Variants in MFSD12 observed in about 807,000 individuals in gnomAD.
MFSD12 encodes major facilitator superfamily domain containing 12, also known as major facilitator superfamily domain-containing protein 12.
MFSD12 carries 67 observed loss-of-function variants against 51.2 expected under a neutral mutation model. The observed-to-expected ratio is 1.31, with a 90% confidence interval of 1.08 to 1.60. The LOEUF is 1.60. Ranked by LOEUF, MFSD12 falls within the 40% of genes most tolerant of loss-of-function variation. The pLI is 0.00. For missense variants in MFSD12, 921 were observed against 673.0 expected, an observed-to-expected ratio of 1.37 and a Z score of -4.08; for synonymous variants, 441 against 316.7, an observed-to-expected ratio of 1.39 and a Z score of -4.17.
At position 3,544,933 on chromosome 19, in the gene MFSD12, C is replaced by T. The variant is rs772150645; in HGVS notation, c.1296G>A (p.Glu432=). 14 of 1,607,798 alleles carry T rather than the reference C, an allele frequency of 8.7e-6. No homozygotes were observed. In the Admixed American group the frequency reaches 1.7e-4, roughly 19 times the overall value. ...AIQSLHPCPS[E]LCCRACVSFY... is the part of the protein sequence containing the mutation. ...AGCTCACGCAGGCCCTGCAGCAGAG[C>T]TCTGAGCTGTGGGAGGAGGCGGGGG... The change falls in exon 9 of 10, where the codon GAG becomes GAA. Residue 432 remains glutamate (E), a synonymous_variant. Transcript: ENST00000355415.
chr19:3,554,745 G>A (rs1268163140), intron 1 of MFSD12, among the ~76,000 whole-genome samples: 3 of 152,242 alleles, frequency 2.0e-5, no homozygotes, highest in East Asian at 1.9e-4. Context: ...GGGTCGTCTC[G>A]GGATTGTGGG....
chr19:3,547,737 C>T, intron 4 of MFSD12, 111 bp downstream of exon 4: 1 of 1,338,974 alleles, frequency 7.5e-7, no homozygotes, highest in Non-Finnish European at 1.0e-6. Flanking sequence ...TGGGTGTGGG[C>T]TGCACCAGGG....
In MFSD12 at chr19:3,548,232, T is replaced by C. The variant is rs1017245766; in HGVS notation, c.545A>G (p.Tyr182Cys). Residue 182 changes from tyrosine to cysteine, a missense_variant, in exon 3 of 10, where the codon TAC (tyrosine) becomes TGC (cysteine). Coordinates refer to ENST00000355415, the MANE Select transcript of MFSD12 (RefSeq NM_174983.5). ...GTGCAGCAGGAGCCAGGCGGCGCCG[T>C]AGACGGTGATGTTGGCCACCACGGT... ...AFTVVANITV[Y>C]GAAWLLLHLQ... The C allele has an allele frequency of 3.2e-6, 5 of 1,552,280 alleles. No individual in the cohort carries two copies. The highest frequency in any genetic ancestry group is 4.9e-5 in the East Asian group (2 of 41,114).
At position 3,551,605 on chromosome 19, in the gene MFSD12, G is replaced by T. The variant is rs915742153; in HGVS notation, c.299-411C>A. On this transcript the variant is annotated intron_variant, in intron 1 of 9. Coordinates refer to ENST00000355415, the MANE Select transcript of MFSD12 (RefSeq NM_174983.5). This position sits in a 1 kb window ranked among gnomAD's most constrained non-coding sequence, Gnocchi z 4.6. The stretch of plus-strand genomic sequence containing the variant: ...TCCTTAAGCTCCGCCATCCTCATCA[G>T]CTCCTAAGGTGACCACTCCCTGGAA... 6.6e-6 allele frequency among the ~76,000 whole-genome samples: 1 copy of T among 152,122 alleles called. No individual in the cohort carries two copies. The highest frequency in any genetic ancestry group is 1.5e-5 in the Non-Finnish European group (1 of 67,998).
At position 3,547,303 on chromosome 19, in the gene MFSD12, A is replaced by G. The variant is rs1247493152; in HGVS notation, c.992T>C (p.Met331Thr). The change falls in exon 6 of 10, where the codon ATG (methionine) becomes ACG (threonine). Residue 331 changes from methionine to threonine, a missense_variant. By Grantham distance (81) the Met-to-Thr change is moderately conservative (BLOSUM62 -1). Coordinates refer to ENST00000355415, the MANE Select transcript of MFSD12 (RefSeq NM_174983.5). ...CCCAATGCACTTGTTGATGGGCTTC[A>G]TGAGGAAGGAGGACAAGAAGCCGCT... ...YLSGFLSSFL[M>T]KPINKCIGRN... The G allele has an allele frequency of 6.2e-7, 1 of 1,613,240 alleles. No individual in the cohort carries two copies. Among genetic ancestry groups the G allele is most frequent in the Non-Finnish European group, 8.5e-7 (1 of 1,179,884 alleles).
chr19:3,556,970 C>T, intron 1 of MFSD12, 136 bp downstream of exon 1: 1 of 869,098 alleles, frequency 1.2e-6, no homozygotes, highest in Non-Finnish European at 1.6e-6. Context: ...AAGCTCGGGC[C>T]ACGGGACAGA....
intron 2 of MFSD12, 146 bp from the exon 3 acceptor site, chr19:3,548,413 G>A (rs568005855): frequency 1.3e-5 from 13 of 1,036,946 alleles, no homozygotes; most frequent in Non-Finnish European, 1.8e-5. Context: ...CCTCCAGGAA[G>A]CCCGTGCTGG....
intron 1 of MFSD12, among the ~76,000 whole-genome samples, chr19:3,555,201 C>G (rs12977889): frequency 6.6e-6 from 1 of 152,138 alleles, no homozygotes; most frequent in Non-Finnish European, 1.5e-5. Flanking sequence ...CTCTGCCTCC[C>G]GGGTTCAAAC....
exon 5 of MFSD12, chr19:3,538,609 A>G: frequency 4.5e-6 from 2 of 443,424 alleles, no homozygotes; most frequent in South Asian, 1.7e-5. Context: ...GGCCTGGGTC[A>G]GAGCTTCGCA....
chr19:3,547,238 C>G, intron 6 of MFSD12, 34 bp downstream of exon 6: 1 of 1,585,000 alleles, frequency 6.3e-7, no homozygotes, highest in Admixed American at 1.7e-5. Flanking sequence ...ACCCCATCCT[C>G]CGCCCCAGCT....
At chr19:3,543,071 G>A, downstream of MFSD12, 1 of 1,588,194 alleles carries the variant, frequency 6.3e-7, no homozygotes, top group Non-Finnish European at 8.5e-7. Context: ...CACCCACTCT[G>A]GGGTGAGGGG....
downstream of MFSD12, chr19:3,543,352 G>C: frequency 6.5e-7 from 1 of 1,549,432 alleles, no homozygotes; most frequent in Non-Finnish European, 8.7e-7. Context: ...ACACAGGCCT[G>C]ACCAACTCGG....
In MFSD12 at chr19:3,548,137, C is replaced by T. The variant is rs369332378; in HGVS notation, c.640G>A (p.Val214Met). 13 of 1,607,026 alleles carry T rather than the reference C, an allele frequency of 8.1e-6. No individual in the cohort carries two copies. Among genetic ancestry groups the T allele is most frequent in the South Asian group, 1.1e-5 (1 of 90,848 alleles). Reference protein sequence around the residue: ...SISDQLGGQDVPVFRNLSLLV... With the variant: ...SISDQLGGQDMPVFRNLSLLV... ...CTCCAGCTCACCCGGAACACGGGCA[C>T]GTCCTGGCCCCCCAGCTGGTCGCTG... Residue 214 changes from valine (V) to methionine (M), a missense_variant, in exon 3 of 10, where the codon GTG becomes ATG. Val to Met is a conservative substitution (Grantham distance 21). Coordinates refer to ENST00000355415, the MANE Select transcript of MFSD12 (RefSeq NM_174983.5).
At chr19:3,541,557 A>G (rs1406743361), downstream of MFSD12, 18 of 552,348 alleles carry the variant, frequency 3.3e-5, 1 homozygote, top group Admixed American at 6.9e-5. Flanking sequence ...TCCTGACCTC[A>G]TGATCCGCCT....
chr19:3,552,096 G>A (rs545624492), intron 1 of MFSD12, among the ~76,000 whole-genome samples: 1 of 152,210 alleles, frequency 6.6e-6, no homozygotes, highest in South Asian at 2.1e-4. Flanking sequence ...GCTTCCTGCC[G>A]GCTTTCCTCT....
At position 3,551,129 on chromosome 19, in the gene MFSD12, TGGCCGC is replaced by T; in HGVS notation, c.358_363del (p.Ala120_Ala121del). 1 of 1,612,936 alleles carries T rather than the reference TGGCCGC, an allele frequency of 6.2e-7. No homozygotes were observed. Among genetic ancestry groups the T allele is most frequent in the Non-Finnish European group, 8.5e-7 (1 of 1,179,932 alleles). On this transcript the variant is annotated inframe_deletion, in exon 2 of 10. Transcript: ENST00000355415. The surrounding 1 kb of genome is among the most constrained non-coding windows in gnomAD (Gnocchi z 4.6). ...TAGAGGAGGGCAGCCCACTCGGGCGTGGCCGCCCCACAGCCCAGGCAGGGGCTGAAG... is the reference window on the plus strand; with the variant it reads ...TAGAGGAGGGCAGCCCACTCGGGCGTCCCACAGCCCAGGCAGGGGCTGAAG...
rs1317371991 is a variant in MFSD12 at position 3,550,611 on chromosome 19, C to T, written c.509+373G>A. Among the ~76,000 whole-genome samples, 10 of 152,060 alleles carry T rather than the reference C, an allele frequency of 6.6e-5. No homozygotes were observed. The East Asian group carries it at 7.7e-4, about 12-fold the overall frequency. ...TTTCACGTGTTAGCGAGGATGGTCTCGATCTCCTGACCTCGTGATCTGCCC... is the reference window on the plus strand; with the variant it reads ...TTTCACGTGTTAGCGAGGATGGTCTTGATCTCCTGACCTCGTGATCTGCCC... On this transcript the variant is annotated intron_variant, in intron 2 of 9. Coordinates refer to ENST00000355415, the MANE Select transcript of MFSD12 (RefSeq NM_174983.5).
chr19:3,550,397 GTTT>G (rs879337204), intron 2 of MFSD12, among the ~76,000 whole-genome samples: 3 of 144,790 alleles, frequency 2.1e-5, no homozygotes, highest in African/African-American at 5.0e-5. Context: ...AAAACTTTTT[GTTT>G]TTTTTTTTTG....
At chr19:3,546,906 T>C (rs531424122) in intron 6 of MFSD12, among the ~76,000 whole-genome samples, 52 of 151,984 alleles carry the variant, frequency 3.4e-4, no homozygotes, top group African/African-American at 1.2e-3. Context: ...TGATCTCATC[T>C]CACTGCAAGC....
Sources: allele counts gnomAD v4.1 joint callset (sites outside exome capture counted in the v4.1 genomes callset), GRCh38; gene constraint gnomAD v4.1.1; non-coding constraint Gnocchi (gnomAD v3.1); transcripts MANE v1.5; gene names NCBI Gene and HGNC (gene_info 2026-07-23, HGNC 2026-07-21).